The following ROR1 variants were observed in gnomAD, a reference collection of about 807,000 sequenced individuals.
The protein encoded by ROR1 is ROR family WNT receptor 1, also known as inactive tyrosine-protein kinase transmembrane receptor ROR1.
A neutral mutation model predicts 78.8 loss-of-function variants in ROR1; 19 were observed. The ratio of observed to expected loss-of-function variants is 0.24; its 90% CI spans 0.17 to 0.35. The LOEUF (loss-of-function observed/expected upper bound fraction) is 0.35. Ranked by LOEUF, ROR1 falls within the 10% of genes least tolerant of loss-of-function variation. The probability of loss-of-function intolerance (pLI) is 1.00; values close to 1 mark genes in which losing one functional copy is unlikely to be tolerated. For synonymous variants in ROR1, 386 were observed against 433.6 expected, an observed-to-expected ratio of 0.89 and a Z score of 1.36; for missense variants, 917 against 1,177.8, an observed-to-expected ratio of 0.78 and a Z score of 3.24.
chr1:63,781,751 C>G (rs1644652870), intron 1 of ROR1, among the ~76,000 whole-genome samples: 1 of 152,176 alleles, frequency 6.6e-6, no homozygotes, highest in South Asian at 2.1e-4. Flanking sequence ...AGTTATGTAG[C>G]CAGTGAGAGG....
At chr1:63,798,742 C>T (rs1644777778) in intron 1 of ROR1, among the ~76,000 whole-genome samples, 1 of 152,060 alleles carries the variant, frequency 6.6e-6, no homozygotes, top group Non-Finnish European at 1.5e-5. Context: ...AGGGGCTTTA[C>T]ATGTATTATC....
chr1:63,854,568 C>T (rs578103332), intron 1 of ROR1, among the ~76,000 whole-genome samples: 156 of 152,260 alleles, frequency 1.0e-3, no homozygotes, highest in Non-Finnish European at 1.9e-3. Flanking sequence ...TACAACAATC[C>T]GAACGTACTT....
chr1:63,917,829 G>C (rs1645620845), intron 1 of ROR1, among the ~76,000 whole-genome samples: 1 of 152,144 alleles, frequency 6.6e-6, no homozygotes, highest in Non-Finnish European at 1.5e-5. Flanking sequence ...TTGTTTTGTG[G>C]AAAGCACGTG....
Position 63,856,961 on chromosome 1 carries a change from AT to A in ROR1, c.91+82462del, listed in dbSNP as rs368338105. Among the ~76,000 whole-genome samples, 1,240 of 150,558 alleles carry A rather than the reference AT, an allele frequency of 8.2e-3. 13 individuals are homozygous for A. The highest frequency in any genetic ancestry group is 0.025 in the African/African-American group (1,042 of 41,050). On this transcript the variant is annotated intron_variant, in intron 1 of 8. Transcript: ENST00000371079. ...ACTCCTCTCCCTGCGTTGTTCTTGC[AT>A]TTTTTTTTACCCTCTCTTTTCTCGT...
chr1:63,801,596 G>T lies in ROR1; in HGVS notation c.91+27088G>T, dbSNP rs571910141. 4.9e-4 allele frequency among the ~76,000 whole-genome samples: 74 copies of T among 151,974 alleles called. No homozygotes were observed. In the South Asian group the frequency reaches 0.014, roughly 28 times the overall value. ...AGATGTGAGCCACTGTGCCTGGCCGGGTATCATGTATTTTTTAAACACCAC... is the reference window on the plus strand; with the variant it reads ...AGATGTGAGCCACTGTGCCTGGCCGTGTATCATGTATTTTTTAAACACCAC... On this transcript the variant is annotated intron_variant, in intron 1 of 8. Coordinates refer to ENST00000371079, the MANE Select transcript of ROR1 (RefSeq NM_005012.4).
rs1330482703 is a variant in ROR1, at chr1:64,140,360, C to T, written c.862C>T (p.Pro288Ser). The change falls in exon 6 of 9, where the codon CCA (proline) becomes TCA (serine). Residue 288 changes from proline (P) to serine (S), a missense_variant. Coordinates refer to ENST00000371079, the MANE Select transcript of ROR1 (RefSeq NM_005012.4). ...KLPNCEDLPQ[P>S]ESPEAANCIR... ...GCCAAACTGTGAAGATCTCCCCCAG[C>T]CAGAGAGCCCAGAAGCTGCGAACTG... 1 of 1,614,038 alleles carries T rather than the reference C, an allele frequency of 6.2e-7. No homozygotes were observed. Among genetic ancestry groups the T allele is most frequent in the East Asian group, 2.2e-5 (1 of 44,856 alleles).
Position 63,924,605 on chromosome 1 carries a change from C to G in ROR1, c.92-84700C>G, listed in dbSNP as rs190798730. On this transcript the variant is annotated intron_variant, in intron 1 of 8. Coordinates refer to ENST00000371079, the MANE Select transcript of ROR1 (RefSeq NM_005012.4). ...CTCGTTCAGTTATTTGAAAAGAGCTCACTGTGTGCTGCTCTATGTGCTGAA... is the reference window on the plus strand; with the variant it reads ...CTCGTTCAGTTATTTGAAAAGAGCTGACTGTGTGCTGCTCTATGTGCTGAA... Among the ~76,000 whole-genome samples, 6 of 152,254 alleles carry G rather than the reference C, an allele frequency of 3.9e-5. No homozygotes were observed. In the East Asian group the frequency reaches 1.2e-3, roughly 29 times the overall value.
At chr1:64,150,548 T>C (rs1649592356) in intron 7 of ROR1, among the ~76,000 whole-genome samples, 1 of 152,240 alleles carries the variant, frequency 6.6e-6, no homozygotes, top group Admixed American at 6.5e-5. Context: ...TTCTCCCATA[T>C]TTCATAGAAG....
At chr1:63,908,649 A>G (rs906918001) in intron 1 of ROR1, among the ~76,000 whole-genome samples, 18 of 152,214 alleles carry the variant, frequency 1.2e-4, no homozygotes, top group Admixed American at 7.9e-4. Context: ...AGATAGTTGT[A>G]TGGGATCTAG....
chr1:63,894,400 G>A (rs1383754657), intron 1 of ROR1, among the ~76,000 whole-genome samples: 15 of 152,144 alleles, frequency 9.9e-5, no homozygotes, highest in Non-Finnish European at 5.9e-5. Flanking sequence ...ATAAGAGAAA[G>A]CAATTTGATG....
At chr1:63,997,369 A>G (rs1646345738) in intron 1 of ROR1, among the ~76,000 whole-genome samples, 1 of 152,230 alleles carries the variant, frequency 6.6e-6, no homozygotes. Flanking sequence ...TGGTCAACCA[A>G]TTAAGAGAAC....
intron 1 of ROR1, among the ~76,000 whole-genome samples, chr1:63,855,148 A>G (rs1255733617): frequency 6.6e-6 from 1 of 152,188 alleles, no homozygotes; most frequent in Non-Finnish European, 1.5e-5. Context: ...GACAGTTCAA[A>G]TGTTTCCTCT....
At chr1:63,835,461 G>A (rs895399426) in intron 1 of ROR1, among the ~76,000 whole-genome samples, 57 of 152,204 alleles carry the variant, frequency 3.7e-4, no homozygotes, top group African/African-American at 1.4e-3. Context: ...GCAGAGATGA[G>A]TAAGAGGAAG....
intron 1 of ROR1, among the ~76,000 whole-genome samples, chr1:63,795,760 T>C (rs1215476927): frequency 6.6e-6 from 1 of 152,212 alleles, no homozygotes; most frequent in African/African-American, 2.4e-5. Flanking sequence ...ATCTTGCCGC[T>C]ACTGGAATAG....
chr1:63,855,879 G>C (rs897516490), intron 1 of ROR1, among the ~76,000 whole-genome samples: 1 of 151,260 alleles, frequency 6.6e-6, no homozygotes, highest in Non-Finnish European at 1.5e-5. Flanking sequence ...GGATGGTCTT[G>C]ATCTCTTGAC....
At chr1:64,008,535 C>T (rs1281000299) in intron 1 of ROR1, among the ~76,000 whole-genome samples, 1 of 152,188 alleles carries the variant, frequency 6.6e-6, no homozygotes, top group Non-Finnish European at 1.5e-5. Flanking sequence ...TGAGAAATCT[C>T]CCAACTGTTT....
chr1:63,861,745 G>A (rs1645183448), intron 1 of ROR1, among the ~76,000 whole-genome samples: 1 of 152,172 alleles, frequency 6.6e-6, no homozygotes, highest in African/African-American at 2.4e-5. Context: ...ACTCGTCAAT[G>A]CAGTGGGAAA....
intron 1 of ROR1, among the ~76,000 whole-genome samples, chr1:63,948,693 A>C (rs944510462): frequency 3.3e-5 from 5 of 152,170 alleles, no homozygotes; most frequent in Non-Finnish European, 7.3e-5. Flanking sequence ...GGGCCTTTGG[A>C]AGGTGATTAG....
chr1:64,045,297 G>A (rs1329451759), intron 2 of ROR1, among the ~76,000 whole-genome samples: 2 of 150,582 alleles, frequency 1.3e-5, no homozygotes, highest in East Asian at 2.0e-4. Context: ...GGCTTCAGCT[G>A]TCTGGTTTTA....
Sources: allele counts gnomAD v4.1 joint callset (sites outside exome capture counted in the v4.1 genomes callset), GRCh38; gene constraint gnomAD v4.1.1; transcripts MANE v1.5; gene names NCBI Gene and HGNC (gene_info 2026-07-23, HGNC 2026-07-21).